KCNQ1: variants seen among roughly 807,000 people sequenced by gnomAD.
The protein encoded by KCNQ1 is potassium voltage-gated channel subfamily KQT member 1.
In KCNQ1, 49 loss-of-function variants were observed where a neutral mutation model predicts 72.4. The ratio of observed to expected loss-of-function variants is 0.68; its 90% CI spans 0.54 to 0.86. The LOEUF (loss-of-function observed/expected upper bound fraction) is 0.86, where lower values mean the gene tolerates loss of function less well. Among genes scored for constraint, KCNQ1 ranks in the 40% least tolerant of loss-of-function variants. The probability of loss-of-function intolerance (pLI) is 0.00; values close to 1 mark genes in which losing one functional copy is unlikely to be tolerated. For missense variants in KCNQ1, 790 were observed against 945.1 expected (o/e 0.84, Z 2.15); for synonymous variants, 450 against 412.6 (o/e 1.09, Z -1.10).
chr11:2,571,881 A>G (rs1300356076), intron 4 of KCNQ1, 132 bp from the exon 5 acceptor site: 13 of 734,472 alleles, frequency 1.8e-5, no homozygotes, highest in Non-Finnish European at 3.1e-5. Flanking sequence ...ACATATACCC[A>G]GCCTCCCCAC....
Position 2,703,579 on chromosome 11 carries a change from G to C in KCNQ1, c.1514+41498G>C. Reference sequence around the variant, plus strand: ...TCTTGATTCCAAGGTATTTAGAGTGGGGGTGGGGGATTAGGGGAGGAAGTT... The same window carrying C: ...TCTTGATTCCAAGGTATTTAGAGTGCGGGTGGGGGATTAGGGGAGGAAGTT... On this transcript the variant is annotated intron_variant, in intron 11 of 15. Transcript: ENST00000155840. This position sits in a 1 kb window ranked among gnomAD's most constrained non-coding sequence, Gnocchi z 6.4. Among the ~76,000 whole-genome samples the C allele has an allele frequency of 6.6e-6, 1 of 152,302 alleles. No homozygotes were observed. The highest frequency in any genetic ancestry group is 1.9e-4 in the East Asian group (1 of 5,180).
chr11:2,841,641 C>T (rs1005874987), intron 15 of KCNQ1, among the ~76,000 whole-genome samples: 1 of 152,226 alleles, frequency 6.6e-6, no homozygotes, highest in African/African-American at 2.4e-5. Context: ...TGTTGGCCTG[C>T]AGGCCTTGGA....
rs1345333443 is a variant in KCNQ1, at chr11:2,603,732, C to G, written c.1393+14878C>G. Among the ~76,000 whole-genome samples, 1 of 152,032 alleles carries G rather than the reference C, an allele frequency of 6.6e-6. No homozygotes were observed. The highest frequency in any genetic ancestry group is 1.5e-5 in the Non-Finnish European group (1 of 68,018). On this transcript the variant is annotated intron_variant, in intron 10 of 15. Transcript: ENST00000155840. This position sits in a 1 kb window ranked among gnomAD's most constrained non-coding sequence, Gnocchi z 4.1. The stretch of plus-strand genomic sequence containing the variant: ...CCGAGACAGAGTCTCCCTCTGTCGC[C>G]CAGGCTGGAGTGCAGTGGCGCGATG...
chr11:2,690,385 G>T lies in KCNQ1; in HGVS notation c.1514+28304G>T. 2.5e-6 allele frequency: 1 copy of T among 398,686 alleles called. No homozygotes were observed. The highest frequency in any genetic ancestry group is 4.4e-6 in the Non-Finnish European group (1 of 226,120). The allele number at this position is 398,686 out of a possible 1,614,324, so 24.7% of individuals were successfully genotyped here. A position where few individuals can be genotyped will look rare whatever the true frequency, so the allele number is the denominator to read the frequency against. On this transcript the variant is annotated intron_variant, in intron 11 of 15. Transcript: ENST00000155840. This position sits in a 1 kb window ranked among gnomAD's most constrained non-coding sequence, Gnocchi z 5.1. ...ACTACTTGGCATGGAACATGTGCCA[G>T]ACCAAAAGAGCTATCTCTCTCCCTG...
At position 2,484,058 on chromosome 11, in the gene KCNQ1, C is replaced by T. The variant is rs955548460; in HGVS notation, c.386+38574C>T. ...ATTCTTCTCCAGGAAGAGCTGTCCCCTTTGTTCTGGTTATGTATCCAGTGG... is the reference window on the plus strand; with the variant it reads ...ATTCTTCTCCAGGAAGAGCTGTCCCTTTTGTTCTGGTTATGTATCCAGTGG... On this transcript the variant is annotated intron_variant, in intron 1 of 15. Coordinates refer to ENST00000155840, the MANE Select transcript of KCNQ1 (RefSeq NM_000218.3). The surrounding 1 kb of genome is among the most constrained non-coding windows in gnomAD (Gnocchi z 5.2). 1.3e-5 allele frequency among the ~76,000 whole-genome samples: 2 copies of T among 152,124 alleles called. No homozygotes were observed. The highest frequency in any genetic ancestry group is 2.9e-5 in the Non-Finnish European group (2 of 68,022).
intron 11 of KCNQ1, chr11:2,662,807 G>A (rs932761239): frequency 1.5e-5 from 6 of 398,888 alleles, no homozygotes; most frequent in African/African-American, 2.1e-5. Flanking sequence ...AGATCTGTGA[G>A]TGACACTCGC....
chr11:2,632,292 T>C (rs1849371886), intron 10 of KCNQ1: 2 of 398,436 alleles, frequency 5.0e-6, no homozygotes, highest in South Asian at 1.3e-4. Context: ...TTTTCAGGGA[T>C]TTCTACAAAT....
Position 2,695,041 on chromosome 11 carries a change from T to C in KCNQ1, c.1514+32960T>C, listed in dbSNP as rs1048202605. ...TGGTCAGAGAGGTAAGCAGGGCAGA[T>C]CTTGTAAAAACCTGATGGAATTTGA... On this transcript the variant is annotated intron_variant, in intron 11 of 15. Transcript: ENST00000155840. The surrounding 1 kb of genome is among the most constrained non-coding windows in gnomAD (Gnocchi z 5.2). 1 of 398,586 alleles carries C rather than the reference T, an allele frequency of 2.5e-6. No homozygotes were observed. The highest frequency in any genetic ancestry group is 4.4e-5 in the Admixed American group (1 of 22,740). 24.7% of individuals were successfully genotyped at this position (398,586 alleles called of 1,614,324 possible).
chr11:2,504,857 T>C (rs770996800), intron 1 of KCNQ1, among the ~76,000 whole-genome samples: 1 of 152,190 alleles, frequency 6.6e-6, no homozygotes, highest in Non-Finnish European at 1.5e-5. Flanking sequence ...GATTATTATG[T>C]ACTGTCTGTC....
In KCNQ1 at chr11:2,613,336, C is replaced by G. The variant is rs545847270; in HGVS notation, c.1393+24482C>G. 4 of 398,530 alleles carry G rather than the reference C, an allele frequency of 1.0e-5. No individual in the cohort carries two copies. Among genetic ancestry groups the G allele is most frequent in the African/African-American group, 8.2e-5 (4 of 48,724 alleles). 24.7% of individuals were successfully genotyped at this position (398,530 alleles called of 1,614,324 possible). A position where few individuals can be genotyped will look rare whatever the true frequency, so the allele number is the denominator to read the frequency against. On this transcript the variant is annotated intron_variant, in intron 10 of 15. Transcript: ENST00000155840. The surrounding 1 kb of genome is among the most constrained non-coding windows in gnomAD (Gnocchi z 4.8). ...CCTTTTAAAATTTTTCTTAATCTGT[C>G]GCTTGCCCAACCAGTATTGAAACAT...
rs1212509797 is a variant in KCNQ1 at position 2,588,328 on chromosome 11, C to A, written c.1252-385C>A. Among the ~76,000 whole-genome samples, 4 of 152,176 alleles carry A rather than the reference C, an allele frequency of 2.6e-5. No individual in the cohort carries two copies. Among genetic ancestry groups the A allele is most frequent in the African/African-American group, 9.7e-5 (4 of 41,428 alleles). On this transcript the variant is annotated intron_variant, in intron 9 of 15. Coordinates refer to ENST00000155840, the MANE Select transcript of KCNQ1 (RefSeq NM_000218.3). The surrounding 1 kb of genome is among the most constrained non-coding windows in gnomAD (Gnocchi z 5.6). ...TGGAATGTTCCCCCAGATTTCCACA[C>A]AGCCTGCTCCCTCACTTCAGGCGCC...
Position 2,682,600 on chromosome 11 carries a change from G to A in KCNQ1, c.1514+20519G>A, listed in dbSNP as rs191079656. On this transcript the variant is annotated intron_variant, in intron 11 of 15. Coordinates refer to ENST00000155840, the MANE Select transcript of KCNQ1 (RefSeq NM_000218.3). This position sits in a 1 kb window ranked among gnomAD's most constrained non-coding sequence, Gnocchi z 5.8. ...AGGCAACCCAAGGCTGGTCTGGAGA[G>A]TGTAAGGCTTGAGAGCTCTTCTTCA... 15 of 398,600 alleles carry A rather than the reference G, an allele frequency of 3.8e-5. No homozygotes were observed. Among genetic ancestry groups the A allele is most frequent in the African/African-American group, 2.7e-4 (13 of 48,736 alleles). 24.7% of individuals were successfully genotyped at this position (398,600 alleles called of 1,614,324 possible). A position where few individuals can be genotyped will look rare whatever the true frequency, so the allele number is the denominator to read the frequency against.
rs1850027793 is a variant in KCNQ1 at position 2,664,505 on chromosome 11, GCA to G, written c.1514+2426_1514+2427del. On this transcript the variant is annotated intron_variant, in intron 11 of 15. Transcript: ENST00000155840. The surrounding 1 kb of genome is among the most constrained non-coding windows in gnomAD (Gnocchi z 5.1). ...TGGGGGAGAAGGCTGGCAGCAGTGG[GCA>G]CCCTGTTTCCTCAGGGCCCAAACCG... 2.5e-6 allele frequency: 1 copy of G among 398,684 alleles called. No individual in the cohort carries two copies. Among genetic ancestry groups the G allele is most frequent in the African/African-American group, 2.1e-5 (1 of 48,640 alleles). 24.7% of individuals were successfully genotyped at this position (398,684 alleles called of 1,614,324 possible).
rs200612600 is a variant in KCNQ1 at position 2,587,562 on chromosome 11, G to A, written c.1129-8G>A. The A allele has an allele frequency of 4.3e-5, 69 of 1,613,558 alleles. No individual in the cohort carries two copies. Among genetic ancestry groups the A allele is most frequent in the East Asian group, 1.8e-4 (8 of 44,870 alleles). On this transcript the variant is annotated splice_polypyrimidine_tract_variant and splice_region_variant and intron_variant, in intron 8 of 15. Coordinates refer to ENST00000155840, the MANE Select transcript of KCNQ1 (RefSeq NM_000218.3). ...CAGGTGACAGCCTGTCCCCCTGCCCGACCTCAGACCGCATGGAGGTGCTAT... is the reference window on the plus strand; with the variant it reads ...CAGGTGACAGCCTGTCCCCCTGCCCAACCTCAGACCGCATGGAGGTGCTAT...
chr11:2,575,547 T>A (rs1259964778), intron 6 of KCNQ1, among the ~76,000 whole-genome samples: 11 of 152,238 alleles, frequency 7.2e-5, no homozygotes, highest in Non-Finnish European at 1.6e-4. Flanking sequence ...AAGCCAGTTT[T>A]GCCAATTTGC....
rs2133882668 is a variant in KCNQ1, at chr11:2,682,782, G to A, written c.1514+20701G>A. The A allele has an allele frequency of 2.5e-6, 1 of 398,646 alleles. No homozygotes were observed. Among genetic ancestry groups the A allele is most frequent in the South Asian group, 1.3e-4 (1 of 7,854 alleles). 24.7% of individuals were successfully genotyped at this position (398,646 alleles called of 1,614,324 possible). ...ACATTCTAGAAATGCAGGGAAATCT[G>A]GGCACCATGAAATGCAGTGACTTGC... On this transcript the variant is annotated intron_variant, in intron 11 of 15. Transcript: ENST00000155840. The surrounding 1 kb of genome is among the most constrained non-coding windows in gnomAD (Gnocchi z 5.8).
intron 15 of KCNQ1, among the ~76,000 whole-genome samples, chr11:2,839,111 G>A (rs1848149325): frequency 6.6e-6 from 1 of 152,194 alleles, no homozygotes; most frequent in South Asian, 2.1e-4. Context: ...CTGAGGCCGG[G>A]CTAGGGATAG....
intron 10 of KCNQ1, chr11:2,631,021 AT>A (rs1849343919): frequency 5.0e-6 from 2 of 398,460 alleles, no homozygotes; most frequent in East Asian, 7.1e-5. Flanking sequence ...CTTGTCTTCC[AT>A]TTTTTACATT....
intron 1 of KCNQ1, among the ~76,000 whole-genome samples, chr11:2,476,415 C>T (rs966182968): frequency 6.6e-6 from 1 of 151,998 alleles, no homozygotes; most frequent in Non-Finnish European, 1.5e-5. Context: ...TATCTGTACA[C>T]CGAGGCAAAT....
Sources: gnomAD v4.1 joint callset for allele counts (sites outside exome capture counted in the v4.1 genomes callset) on GRCh38, gnomAD v4.1.1 for gene constraint, Gnocchi (gnomAD v3.1) non-coding constraint, MANE v1.5 for transcripts, NCBI Gene and HGNC (gene_info 2026-07-23, HGNC 2026-07-21) for gene names.